Variants in HPSE2 observed in about 807,000 individuals in gnomAD.
The protein encoded by HPSE2 is inactive heparanase-2.
A neutral mutation model predicts 60.5 loss-of-function variants in HPSE2; 38 were observed. The ratio of observed to expected loss-of-function variants is 0.63; its 90% CI spans 0.48 to 0.82. The LOEUF (loss-of-function observed/expected upper bound fraction) is 0.82, where lower values mean the gene tolerates loss of function less well. Among genes scored for constraint, HPSE2 ranks in the 40% least tolerant of loss-of-function variants. HPSE2 has a pLI of 0.00. For synonymous variants in HPSE2, 295 were observed against 293.2 expected (o/e 1.01, Z -0.06); for missense variants, 713 against 740.4 (o/e 0.96, Z 0.43).
At chr10:98,537,462 C>A (rs1304863364) in intron 9 of HPSE2, among the ~76,000 whole-genome samples, 1 of 152,088 alleles carries the variant, frequency 6.6e-6, no homozygotes, top group Non-Finnish European at 1.5e-5. Context: ...ATAGAGATGA[C>A]CATGAACAAT....
chr10:98,831,123 G>A (rs1303038295), intron 3 of HPSE2, among the ~76,000 whole-genome samples: 1 of 152,164 alleles, frequency 6.6e-6, no homozygotes. Context: ...TGGTACAAGA[G>A]AGCAGGAAGA....
chr10:98,707,993 A>G (rs910220411), intron 5 of HPSE2, among the ~76,000 whole-genome samples: 1 of 152,162 alleles, frequency 6.6e-6, no homozygotes, highest in African/African-American at 2.4e-5. Context: ...AAAAAACTAT[A>G]TAAGAATTTA....
chr10:98,891,287 G>A (rs1953328224), intron 3 of HPSE2, among the ~76,000 whole-genome samples: 1 of 152,038 alleles, frequency 6.6e-6, no homozygotes, highest in Non-Finnish European at 1.5e-5. Flanking sequence ...AAAGGGTTAA[G>A]AATAAACTGA....
At chr10:99,293,784 C>T in the HPSE2 span, among the ~76,000 whole-genome samples, 3 of 152,010 alleles carry the variant, frequency 2.0e-5, no homozygotes, top group African/African-American at 7.3e-5. Flanking sequence ...AAATTTCAGC[C>T]CAGATTATAG....
In HPSE2 at chr10:98,721,793, C is replaced by A. The variant is rs897524572; in HGVS notation, c.820G>T (p.Val274Leu). The A allele has an allele frequency of 1.2e-6, 2 of 1,613,482 alleles. No homozygotes were observed. Among genetic ancestry groups the A allele is most frequent in the Admixed American group, 3.3e-5 (2 of 59,908 alleles). The change falls in exon 5 of 12, where the codon GTA becomes TTA. Residue 274 changes from valine (V) to leucine (L), a missense_variant. Coordinates refer to ENST00000370552, the MANE Select transcript of HPSE2 (RefSeq NM_021828.5). Reference sequence around the variant, plus strand: ...TCCTTTCCCAACTGGCTGCCATTTACTGCCCGGCCATGCATGGTCCGATAG... The same window carrying A: ...TCCTTTCCCAACTGGCTGCCATTTAATGCCCGGCCATGCATGGTCCGATAG... ...NNYRTMHGRA[V>L]NGSQLGKDYI... is the part of the protein sequence containing the mutation.
intron 3 of HPSE2, among the ~76,000 whole-genome samples, chr10:98,788,654 GTTTC>G (rs1181552477): frequency 6.6e-6 from 1 of 152,184 alleles, no homozygotes; most frequent in Non-Finnish European, 1.5e-5. Flanking sequence ...GTGGTGCGCT[GTTTC>G]TTAAGCCGGT....
At chr10:98,724,841 A>G (rs1949028032) in intron 4 of HPSE2, among the ~76,000 whole-genome samples, 1 of 152,178 alleles carries the variant, frequency 6.6e-6, no homozygotes, top group Non-Finnish European at 1.5e-5. Context: ...TTATACACCA[A>G]TAACAGACAA....
At chr10:98,634,837 C>T (rs1334490687) in intron 7 of HPSE2, among the ~76,000 whole-genome samples, 1 of 152,184 alleles carries the variant, frequency 6.6e-6, no homozygotes, top group Non-Finnish European at 1.5e-5. Context: ...CCATACATGT[C>T]TACCACGAGT....
chr10:99,210,538 T>G (rs886853202), intron 2 of HPSE2, among the ~76,000 whole-genome samples: 1 of 152,148 alleles, frequency 6.6e-6, no homozygotes, highest in African/African-American at 2.4e-5. Context: ...GCTAACAAAC[T>G]GAATTCAACA....
At chr10:99,203,653 G>C (rs532590565) in intron 2 of HPSE2, among the ~76,000 whole-genome samples, 2 of 152,092 alleles carry the variant, frequency 1.3e-5, no homozygotes, top group South Asian at 4.2e-4. Flanking sequence ...GTGGGCCCAG[G>C]TTCCAGACCC....
chr10:99,058,231 G>A (rs967057542), intron 3 of HPSE2, among the ~76,000 whole-genome samples: 1 of 152,204 alleles, frequency 6.6e-6, no homozygotes, highest in Non-Finnish European at 1.5e-5. Context: ...TTCCCCAGGT[G>A]ATCTGATTCT....
intron 2 of HPSE2, among the ~76,000 whole-genome samples, chr10:99,194,199 G>A (rs1848316473): frequency 6.6e-6 from 1 of 151,582 alleles, no homozygotes; most frequent in African/African-American, 2.4e-5. Flanking sequence ...AAACTAAGAA[G>A]AAAATTTAAA....
intron 3 of HPSE2, among the ~76,000 whole-genome samples, chr10:98,874,351 T>C (rs963853124): frequency 3.9e-5 from 6 of 152,120 alleles, no homozygotes; most frequent in Non-Finnish European, 7.4e-5. Flanking sequence ...GTTTTACATT[T>C]AAGTCTTTCA....
intron 3 of HPSE2, among the ~76,000 whole-genome samples, chr10:98,759,373 T>C (rs1949954911): frequency 6.6e-6 from 1 of 152,116 alleles, no homozygotes; most frequent in South Asian, 2.1e-4. Flanking sequence ...CCCAGACCAA[T>C]GTCAAGACAC....
chr10:98,671,198 A>G (rs1947497722), intron 6 of HPSE2, among the ~76,000 whole-genome samples: 1 of 152,188 alleles, frequency 6.6e-6, no homozygotes, highest in African/African-American at 2.4e-5. Context: ...AAAGGGTTCT[A>G]CACGAGGAAC....
intron 3 of HPSE2, among the ~76,000 whole-genome samples, chr10:98,902,738 C>A: frequency 6.6e-6 from 1 of 152,194 alleles, no homozygotes; most frequent in South Asian, 2.1e-4. Flanking sequence ...ACCCTACATA[C>A]AAATAATAAA....
At chr10:98,563,132 T>C (rs1479192415) in intron 9 of HPSE2, among the ~76,000 whole-genome samples, 1 of 152,184 alleles carries the variant, frequency 6.6e-6, no homozygotes, top group Admixed American at 6.5e-5. Flanking sequence ...TGTACACAAA[T>C]GTTCATAATA....
At chr10:99,173,366 T>C (rs1340045450) in intron 2 of HPSE2, among the ~76,000 whole-genome samples, 1 of 152,112 alleles carries the variant, frequency 6.6e-6, no homozygotes, top group Non-Finnish European at 1.5e-5. Flanking sequence ...GGAATAGCTA[T>C]ACCTAGTAGC....
At chr10:99,296,504 A>G in the HPSE2 span, among the ~76,000 whole-genome samples, 1 of 152,238 alleles carries the variant, frequency 6.6e-6, no homozygotes, top group Non-Finnish European at 1.5e-5. Flanking sequence ...ATGACTGCAA[A>G]ACTGCCCTGA....
Sources: gnomAD v4.1 joint callset for allele counts (sites outside exome capture counted in the v4.1 genomes callset) on GRCh38, gnomAD v4.1.1 for gene constraint, MANE v1.5 for transcripts, NCBI Gene and HGNC (gene_info 2026-07-23, HGNC 2026-07-21) for gene names.